C1GALT1: variants seen among roughly 807,000 people sequenced by gnomAD.
C1GALT1 encodes core 1 synthase, glycoprotein-N-acetylgalactosamine 3-beta-galactosyltransferase 1, also known as glycoprotein-N-acetylgalactosamine 3-beta-galactosyltransferase 1.
Under a neutral mutation model 31.0 loss-of-function variants are expected in C1GALT1, and 11 were observed. The ratio of observed to expected loss-of-function variants is 0.36; its 90% CI spans 0.22 to 0.59. C1GALT1 has a LOEUF of 0.59. Ranked by LOEUF, C1GALT1 falls within the 20% of genes least tolerant of loss-of-function variation. The pLI, the probability that C1GALT1 is intolerant of heterozygous loss-of-function variation, is 0.79. For missense variants in C1GALT1, 424 were observed against 425.2 expected (o/e 1.00, Z 0.03); for synonymous variants, 175 against 143.6 (o/e 1.22, Z -1.56).
chr7:7,214,743 G>T (rs1782153127), intron 1 of C1GALT1, among the ~76,000 whole-genome samples: 1 of 152,166 alleles, frequency 6.6e-6, no homozygotes, highest in Non-Finnish European at 1.5e-5. Flanking sequence ...CATCCCAGGG[G>T]TAGGCCGAAC....
At chr7:7,158,000 T>A (rs551429753) in intron 2 of C1GALT1, among the ~76,000 whole-genome samples, 1 of 152,324 alleles carries the variant, frequency 6.6e-6, no homozygotes, top group South Asian at 2.1e-4. Context: ...AAATCAAAAG[T>A]AGTTTCCTCA....
intron 2 of C1GALT1, among the ~76,000 whole-genome samples, chr7:7,175,200 G>A (rs778266732): frequency 6.6e-6 from 1 of 152,186 alleles, no homozygotes; most frequent in Non-Finnish European, 1.5e-5. Flanking sequence ...TTCAAAGACT[G>A]TATTCCTTGT....
chr7:7,219,129 C>T (rs908007029), intron 1 of C1GALT1, among the ~76,000 whole-genome samples: 8 of 152,156 alleles, frequency 5.3e-5, no homozygotes, highest in South Asian at 2.1e-4. Flanking sequence ...TGAGCCACTG[C>T]GCCTGGCATG....
intron 3 of C1GALT1, among the ~76,000 whole-genome samples, chr7:7,241,141 G>A (rs1406811933): frequency 6.6e-6 from 1 of 151,802 alleles, no homozygotes; most frequent in African/African-American, 2.4e-5. Flanking sequence ...CTTTTCTGTA[G>A]GTCAGAAATG....
intron 1 of C1GALT1, among the ~76,000 whole-genome samples, chr7:7,214,580 G>C (rs775454542): frequency 6.6e-6 from 1 of 152,000 alleles, no homozygotes; most frequent in Non-Finnish European, 1.5e-5. Flanking sequence ...TCGAACTTTC[G>C]AAAGTAACCT....
At chr7:7,164,074 A>G (rs1377868062) in intron 2 of C1GALT1, among the ~76,000 whole-genome samples, 3 of 152,172 alleles carry the variant, frequency 2.0e-5, no homozygotes, top group East Asian at 3.9e-4. Flanking sequence ...CTATACTACA[A>G]GGCTACAGTG....
At chr7:7,228,996 T>G (rs535852538) in intron 1 of C1GALT1, among the ~76,000 whole-genome samples, 30 of 152,314 alleles carry the variant, frequency 2.0e-4, no homozygotes, top group African/African-American at 7.0e-4. Flanking sequence ...AGTAGCATGT[T>G]AGTATTCATA....
chr7:7,244,432 T>A lies in C1GALT1; in HGVS notation c.*705T>A, dbSNP rs1783764403. The A allele has an allele frequency of 6.6e-6, 1 of 152,170 alleles. No homozygotes were observed. Among genetic ancestry groups the A allele is most frequent in the Non-Finnish European group, 1.5e-5 (1 of 67,996 alleles). The allele number at this position is 152,170 out of a possible 1,614,324, so 9.4% of individuals were successfully genotyped here. On this transcript the variant is annotated 3_prime_UTR_variant, in exon 4 of 4. Coordinates refer to ENST00000436587, the MANE Select transcript of C1GALT1 (RefSeq NM_020156.5). The stretch of plus-strand genomic sequence containing the variant: ...CTCTGTTGTCTCTTTTCTAAATGTG[T>A]TTAGCCACTCTTGAATACCATTCTC...
chr7:7,213,543 G>A (rs943063809), intron 1 of C1GALT1, among the ~76,000 whole-genome samples: 2 of 152,128 alleles, frequency 1.3e-5, no homozygotes, highest in Non-Finnish European at 2.9e-5. Context: ...GGCCCTCTGA[G>A]CCATCCAGAA....
chr7:7,178,113 G>T (rs559425049), upstream of C1GALT1: 9 of 206,144 alleles, frequency 4.4e-5, no homozygotes, highest in East Asian at 9.0e-4. Flanking sequence ...AGTTTGAAAA[G>T]GAGCAAGAAT....
intron 2 of C1GALT1, among the ~76,000 whole-genome samples, chr7:7,235,966 A>T (rs770287160): frequency 6.6e-6 from 1 of 152,152 alleles, no homozygotes; most frequent in Non-Finnish European, 1.5e-5. Flanking sequence ...CCTGCACTCA[A>T]CCAAACTTCA....
chr7:7,234,585 C>A, intron 2 of C1GALT1, 46 bp downstream of exon 2: 1 of 1,429,144 alleles, frequency 7.0e-7, no homozygotes, highest in South Asian at 1.2e-5. Context: ...GTATTTTAGT[C>A]TAAATTTTGT....
intron 2 of C1GALT1, among the ~76,000 whole-genome samples, chr7:7,164,411 C>T (rs933414348): frequency 5.3e-5 from 8 of 152,094 alleles, no homozygotes; most frequent in Admixed American, 5.2e-4. Flanking sequence ...ATCTGAGATA[C>T]CTAAAAAGGA....
intron 1 of C1GALT1, among the ~76,000 whole-genome samples, chr7:7,195,921 ATGTCTCTCTT>A (rs1394074522): frequency 6.6e-6 from 1 of 152,078 alleles, no homozygotes; most frequent in Non-Finnish European, 1.5e-5. Context: ...TCATGATATA[ATGTCTCTCTT>A]TGTCTTTTTT....
intron 1 of C1GALT1, among the ~76,000 whole-genome samples, chr7:7,217,877 G>A (rs779738071): frequency 3.9e-5 from 6 of 152,100 alleles, no homozygotes; most frequent in Admixed American, 2.6e-4. Context: ...CATAGATACC[G>A]TTTGAGAAAA....
At chr7:7,240,619 A>G (rs183595215) in intron 3 of C1GALT1, among the ~76,000 whole-genome samples, 143 of 152,294 alleles carry the variant, frequency 9.4e-4, no homozygotes, top group African/African-American at 3.1e-3. Flanking sequence ...CTGATGTTGG[A>G]TACACATACA....
At chr7:7,220,927 A>G (rs1782483486) in intron 1 of C1GALT1, among the ~76,000 whole-genome samples, 1 of 152,090 alleles carries the variant, frequency 6.6e-6, no homozygotes, top group Non-Finnish European at 1.5e-5. Context: ...TTTAGCTTTC[A>G]ATGTTGTGCA....
intron 3 of C1GALT1, among the ~76,000 whole-genome samples, chr7:7,240,732 A>G (rs1361025238): frequency 6.6e-6 from 1 of 152,126 alleles, no homozygotes; most frequent in Non-Finnish European, 1.5e-5. Context: ...CAGAGTACCA[A>G]AATTGACCCA....
intron 1 of C1GALT1, among the ~76,000 whole-genome samples, chr7:7,203,773 G>C (rs1301566975): frequency 6.6e-6 from 1 of 151,912 alleles, no homozygotes; most frequent in Non-Finnish European, 1.5e-5. Context: ...TAATGTATCA[G>C]GGTAATTAGC....
Sources: gnomAD v4.1 joint callset for allele counts (sites outside exome capture counted in the v4.1 genomes callset) on GRCh38, gnomAD v4.1.1 for gene constraint, MANE v1.5 for transcripts, NCBI Gene and HGNC (gene_info 2026-07-23, HGNC 2026-07-21) for gene names.